Variants in ORC6 observed in about 807,000 individuals in gnomAD.
ORC6 encodes origin recognition complex, subunit 6 homolog-like (yeast).
ORC6 carries 31 observed loss-of-function variants against 30.0 expected under a neutral mutation model. The ratio of observed to expected loss-of-function variants is 1.03; its 90% CI spans 0.78 to 1.40. The LOEUF (loss-of-function observed/expected upper bound fraction) is 1.40. Among genes scored for constraint, ORC6 ranks in the 40% most tolerant of loss-of-function variants. ORC6 has a pLI of 0.00. For synonymous variants in ORC6, 136 were observed against 111.2 expected, an observed-to-expected ratio of 1.22 and a Z score of -1.40; for missense variants, 340 against 304.3, an observed-to-expected ratio of 1.12 and a Z score of -0.87.
At chr16:46,696,598 A>G (rs1365865844) in intron 6 of ORC6, among the ~76,000 whole-genome samples, 1 of 152,166 alleles carries the variant, frequency 6.6e-6, no homozygotes, top group Non-Finnish European at 1.5e-5. Flanking sequence ...TTGTTTTAAT[A>G]CCACCTACTG....
chr16:46,689,862 G>A, intron 1 of ORC6, 92 bp downstream of exon 1: 1 of 1,453,506 alleles, frequency 6.9e-7, no homozygotes, highest in Non-Finnish European at 9.0e-7. Context: ...GCGACGGGCG[G>A]CGGGGGAGTG....
At position 46,692,360 on chromosome 16, in the gene ORC6, GTA is replaced by G; in HGVS notation, c.196-20_196-19del. ...AGAACTTAAGGTTTTTATGATTTGT[GTA>G]TGTGTTTTTCCTTTCACAGGCTTAT... On this transcript the variant is annotated intron_variant, in intron 2 of 6. Transcript: ENST00000219097. The G allele has an allele frequency of 1.3e-6, 2 of 1,596,522 alleles. No individual in the cohort carries two copies. Among genetic ancestry groups the G allele is most frequent in the Non-Finnish European group, 1.7e-6 (2 of 1,164,954 alleles).
At position 46,696,524 on chromosome 16, in the gene ORC6, T is replaced by TA. The variant is rs531296844; in HGVS notation, c.631+440dup. On this transcript the variant is annotated intron_variant, in intron 6 of 6. Transcript: ENST00000219097. ...CCCGACAAAAGAAATGTTTCCAAGT[T>TA]AGGTTCCAGTTTGCTTATAAGAGCT... Among the ~76,000 whole-genome samples the TA allele has an allele frequency of 6.5e-3, 989 of 152,358 alleles. 14 individuals are homozygous for TA. Among genetic ancestry groups the TA allele is most frequent in the African/African-American group, 0.022 (916 of 41,564 alleles).
chr16:46,692,516 A>G lies in ORC6; in HGVS notation c.330A>G (p.Ala110=), dbSNP rs1377624808. 22 of 1,613,804 alleles carry G rather than the reference A, an allele frequency of 1.4e-5. No homozygotes were observed. Among genetic ancestry groups the G allele is most frequent in the Non-Finnish European group, 1.9e-5 (22 of 1,179,678 alleles). ...CTGTACAGTTTAGCTGTATAGAAGC[A>G]GTGAACATGGCTTCAAAGATACTAA... ...DLAVQFSCIE[A]VNMASKILKS... Residue 110 remains alanine, a synonymous_variant, in exon 3 of 7, where the codon GCA becomes GCG. Coordinates refer to ENST00000219097, the MANE Select transcript of ORC6 (RefSeq NM_014321.4).
intron 5 of ORC6, 28 bp downstream of exon 5, chr16:46,695,702 T>A: frequency 7.2e-7 from 1 of 1,392,836 alleles, no homozygotes; most frequent in Non-Finnish European, 1.0e-6. Context: ...CAAGAATGCG[T>A]CATTTGAAAA....
At chr16:46,693,806 CTTTTTTTT>C (rs1194005655) in intron 4 of ORC6, 3 of 46,096 alleles carry the variant, frequency 6.5e-5, no homozygotes, top group African/African-American at 9.1e-5. Context: ...AACACTGTCT[CTTTTTTTT>C]TTTTTTTTTT....
rs756484530 is a variant in ORC6 at position 46,697,484 on chromosome 16, C to T, written c.658C>T (p.His220Tyr). ...AATGGAGAAGGTAGAGGAGATGCCA[C>T]ATAAACCACAGAAAGATGAAGATCT... ...KEMEKVEEMP[H>Y]KPQKDEDLTQ... Residue 220 changes from histidine (H) to tyrosine (Y), a missense_variant, in exon 7 of 7, where the codon CAT becomes TAT. Physicochemically the swap from His to Tyr is moderately conservative, Grantham distance 83 (BLOSUM62 2). Transcript: ENST00000219097. The T allele has an allele frequency of 6.2e-7, 1 of 1,613,444 alleles. No individual in the cohort carries two copies. The highest frequency in any genetic ancestry group is 8.5e-7 in the Non-Finnish European group (1 of 1,179,428).
In ORC6 at chr16:46,697,510, G is replaced by A. The variant is rs200534364; in HGVS notation, c.684G>A (p.Leu228=). The A allele has an allele frequency of 6.2e-7, 1 of 1,613,470 alleles. No homozygotes were observed. The highest frequency in any genetic ancestry group is 1.7e-5 in the Admixed American group (1 of 60,008). Residue 228 remains leucine (L), a synonymous_variant, in exon 7 of 7, where the codon CTG becomes CTA. Coordinates refer to ENST00000219097, the MANE Select transcript of ORC6 (RefSeq NM_014321.4). ...MPHKPQKDED[L]TQDYEEWKRK... is the part of the protein sequence containing the mutation. ...ATAAACCACAGAAAGATGAAGATCT[G>A]ACACAGGATTATGAAGAATGGAAAA...
At chr16:46,693,840 A>C (rs6598699) in intron 4 of ORC6, 1 of 27,772 alleles carries the variant, frequency 3.6e-5, no homozygotes, top group Non-Finnish European at 7.9e-5. Flanking sequence ...CATTTTTTTT[A>C]TTTTTATTTT....
chr16:46,689,852 G>C, intron 1 of ORC6, 82 bp downstream of exon 1: 1 of 1,462,070 alleles, frequency 6.8e-7, no homozygotes, highest in Non-Finnish European at 9.0e-7. Context: ...CCCTTCCCAG[G>C]CGACGGGCGG....
chr16:46,691,765 T>C (rs891233633), intron 2 of ORC6, among the ~76,000 whole-genome samples: 2 of 152,178 alleles, frequency 1.3e-5, no homozygotes, highest in African/African-American at 4.8e-5. Flanking sequence ...GAAAATGCAA[T>C]ACCTTGTTTT....
Position 46,698,242 on chromosome 16 carries a change from A to G in ORC6, c.*657A>G. ...ACGGAATTGGAGCCATTTTGCTTTAAGTGAATGGCAGTCCCTTGTCTTATT... is the reference window on the plus strand; with the variant it reads ...ACGGAATTGGAGCCATTTTGCTTTAGGTGAATGGCAGTCCCTTGTCTTATT... On this transcript the variant is annotated 3_prime_UTR_variant, in exon 7 of 7. Coordinates refer to ENST00000219097, the MANE Select transcript of ORC6 (RefSeq NM_014321.4). 2.2e-6 allele frequency: 1 copy of G among 453,156 alleles called. No individual in the cohort carries two copies. The highest frequency in any genetic ancestry group is 4.4e-6 in the Non-Finnish European group (1 of 225,796). The allele number at this position is 453,156 out of a possible 1,614,324, so 28.1% of individuals were successfully genotyped here.
rs757560276 is a variant in ORC6, at chr16:46,697,479, T to G, written c.653T>G (p.Met218Arg). ...TCAGAAATGGAGAAGGTAGAGGAGA[T>G]GCCACATAAACCACAGAAAGATGAA... ...PAKEMEKVEE[M>R]PHKPQKDEDL... is the part of the protein sequence containing the mutation. The change falls in exon 7 of 7, where the codon ATG becomes AGG. Residue 218 changes from methionine to arginine, a missense_variant. Physicochemically the swap from Met to Arg is moderately conservative, Grantham distance 91 (BLOSUM62 -1). Transcript: ENST00000219097. 3 of 1,613,596 alleles carry G rather than the reference T, an allele frequency of 1.9e-6. No individual in the cohort carries two copies. In the Admixed American group the frequency reaches 5.0e-5, roughly 27 times the overall value.
Position 46,693,142 on chromosome 16 carries a change from A to G in ORC6, c.409A>G (p.Arg137Gly), listed in dbSNP as rs1966468392. The G allele has an allele frequency of 1.2e-6, 2 of 1,613,398 alleles. No individual in the cohort carries two copies. Among genetic ancestry groups the G allele is most frequent in the African/African-American group, 1.3e-5 (1 of 74,926 alleles). The change falls in exon 4 of 7, where the codon AGG (arginine) becomes GGG (glycine). Residue 137 changes from arginine (R) to glycine (G), a missense_variant. Transcript: ENST00000219097. ...ACAGCAAGTGGATCTTGACTTATCC[A>G]GGCCACTTTTCACTTCTGCTGCACT... Reference protein sequence around the residue: ...QTQQVDLDLSRPLFTSAALLS... With the variant: ...QTQQVDLDLSGPLFTSAALLS...
rs575920300 is a variant in ORC6, at chr16:46,692,152, A to G, written c.196-230A>G. Among the ~76,000 whole-genome samples, 3 of 152,232 alleles carry G rather than the reference A, an allele frequency of 2.0e-5. 1 individual carries two copies. The South Asian group carries it at 6.2e-4, about 32-fold the overall frequency. On this transcript the variant is annotated intron_variant, in intron 2 of 6. Transcript: ENST00000219097. ...TGTTATAATTTTAAATCATCTGTGC[A>G]TATGCATGACTGCCTGCCTTTGCAT...
At chr16:46,695,485 T>C in intron 4 of ORC6, 77 bp from the exon 5 acceptor site, 1 of 876,698 alleles carries the variant, frequency 1.1e-6, no homozygotes, top group Non-Finnish European at 1.9e-6. Context: ...AAAAAGAAAA[T>C]AAGTTGATTA....
chr16:46,691,531 A>G (rs1166046721), intron 2 of ORC6, among the ~76,000 whole-genome samples: 1 of 152,230 alleles, frequency 6.6e-6, no homozygotes, highest in Non-Finnish European at 1.5e-5. Flanking sequence ...GTCCTCATCC[A>G]TAAAGTGAAG....
chr16:46,695,976 G>A, intron 5 of ORC6, 41 bp from the exon 6 acceptor site: 2 of 1,430,138 alleles, frequency 1.4e-6, no homozygotes. Flanking sequence ...TACTGAAATT[G>A]AGAACAGGAG....
At chr16:46,693,557 T>G (rs1450753674) in intron 4 of ORC6, 3 of 311,534 alleles carry the variant, frequency 9.6e-6, no homozygotes, top group African/African-American at 6.5e-5. Flanking sequence ...ATCCCAACAC[T>G]GGGAGGCAGA....
Sources: allele counts gnomAD v4.1 joint callset (sites outside exome capture counted in the v4.1 genomes callset), GRCh38; gene constraint gnomAD v4.1.1; transcripts MANE v1.5; gene names NCBI Gene and HGNC (gene_info 2026-07-23, HGNC 2026-07-21).